Variants in GCLM observed in about 807,000 individuals in gnomAD.
GCLM encodes glutamate--cysteine ligase regulatory subunit.
GCLM carries 15 observed loss-of-function variants against 36.0 expected under a neutral mutation model. That is an observed-to-expected ratio of 0.42 (90% CI 0.28 to 0.64). GCLM has a LOEUF of 0.64. GCLM is among the 30% of genes least tolerant of loss of function. The probability of loss-of-function intolerance (pLI) is 0.25; values close to 1 mark genes in which losing one functional copy is unlikely to be tolerated. For synonymous variants in GCLM, 129 were observed against 122.8 expected, an observed-to-expected ratio of 1.05 and a Z score of -0.34; for missense variants, 242 against 325.5, an observed-to-expected ratio of 0.74 and a Z score of 1.97.
chr1:93,897,917 A>C lies in GCLM; in HGVS notation c.278-19T>G, dbSNP rs145426706. 631 of 1,431,410 alleles carry C rather than the reference A, an allele frequency of 4.4e-4. 1 individual carries two copies. The African/African-American group carries it at 8.3e-3, about 19-fold the overall frequency. 88.7% of individuals were successfully genotyped at this position (1,431,410 alleles called of 1,614,324 possible). Reference sequence around the variant, plus strand: ...AGTTTTGCTGGGTAACAAAGAAAACAAAACTGATTACTACATTTGGATACA... The same window carrying C: ...AGTTTTGCTGGGTAACAAAGAAAACCAAACTGATTACTACATTTGGATACA... On this transcript the variant is annotated intron_variant, in intron 3 of 6. Transcript: ENST00000370238.
intron 6 of GCLM, among the ~76,000 whole-genome samples, chr1:93,891,017 G>A (rs1044713165): frequency 2.0e-5 from 3 of 151,796 alleles, no homozygotes; most frequent in African/African-American, 7.3e-5. Context: ...GCTAGGACTA[G>A]AGGTGTGCGT....
At chr1:93,897,636 C>A (rs572783545) in intron 4 of GCLM, among the ~76,000 whole-genome samples, 1 of 151,966 alleles carries the variant, frequency 6.6e-6, no homozygotes, top group Non-Finnish European at 1.5e-5. Flanking sequence ...ACACCTTTTA[C>A]ATTCCTCTTG....
At chr1:93,908,170 G>A (rs1006562110) in intron 1 of GCLM, among the ~76,000 whole-genome samples, 2 of 152,130 alleles carry the variant, frequency 1.3e-5, no homozygotes, top group Non-Finnish European at 2.9e-5. Flanking sequence ...TAAAGATTTT[G>A]TTATTTTTTA....
Position 93,887,372 on chromosome 1 carries a change from A to G in GCLM, c.*1618T>C, listed in dbSNP as rs1656353065. Reference sequence around the variant, plus strand: ...CTTAGGAAAAGGGTCTATAATATTTATTTTGAATATGGAACCATAGTTCTT... The same window carrying G: ...CTTAGGAAAAGGGTCTATAATATTTGTTTTGAATATGGAACCATAGTTCTT... On this transcript the variant is annotated 3_prime_UTR_variant, in exon 7 of 7. Coordinates refer to ENST00000370238, the MANE Select transcript of GCLM (RefSeq NM_002061.4). 2 of 151,988 alleles carry G rather than the reference A, an allele frequency of 1.3e-5. No individual in the cohort carries two copies. The highest frequency in any genetic ancestry group is 1.3e-4 in the Admixed American group (2 of 15,262). 9.4% of individuals were successfully genotyped at this position (151,988 alleles called of 1,614,324 possible).
intron 6 of GCLM, 132 bp from the exon 7 acceptor site, chr1:93,889,291 T>G (rs538607882): frequency 5.6e-5 from 28 of 504,054 alleles, no homozygotes; most frequent in African/African-American, 5.4e-4. Context: ...TGCTTATTCT[T>G]CATGTGTGTG....
At chr1:93,904,773 T>C (rs1477702684) in intron 1 of GCLM, among the ~76,000 whole-genome samples, 185 bp from the exon 2 acceptor site, 9 of 152,206 alleles carry the variant, frequency 5.9e-5, no homozygotes, top group Non-Finnish European at 1.3e-4. Flanking sequence ...TCAGGCCTGT[T>C]TTCATCCTAC....
intron 2 of GCLM, among the ~76,000 whole-genome samples, chr1:93,902,316 C>T (rs546381957): frequency 3.3e-5 from 5 of 151,954 alleles, no homozygotes; most frequent in African/African-American, 1.2e-4. Context: ...GTAGCTGGGA[C>T]TACAGGTGCA....
chr1:93,890,161 T>C (rs2100905016), intron 6 of GCLM, among the ~76,000 whole-genome samples: 1 of 152,108 alleles, frequency 6.6e-6, no homozygotes, highest in East Asian at 1.9e-4. Flanking sequence ...CCACCCACCT[T>C]GGCCTCCTAA....
Position 93,888,808 on chromosome 1 carries a change from T to G in GCLM, c.*182A>C. ...TTAAGGAAAGCAATACAGAGGTTCATGAGAATGGATTGATATGGAGGCAAG... is the reference window on the plus strand; with the variant it reads ...TTAAGGAAAGCAATACAGAGGTTCAGGAGAATGGATTGATATGGAGGCAAG... On this transcript the variant is annotated 3_prime_UTR_variant, in exon 7 of 7. Coordinates refer to ENST00000370238, the MANE Select transcript of GCLM (RefSeq NM_002061.4). The G allele has an allele frequency of 2.4e-6, 1 of 411,922 alleles. No individual in the cohort carries two copies. The highest frequency in any genetic ancestry group is 3.6e-5 in the East Asian group (1 of 27,714). 25.5% of individuals were successfully genotyped at this position (411,922 alleles called of 1,614,324 possible).
At chr1:93,900,213 C>T (rs954931994) in intron 3 of GCLM, among the ~76,000 whole-genome samples, 2 of 152,078 alleles carry the variant, frequency 1.3e-5, no homozygotes, top group African/African-American at 2.4e-5. Context: ...AAAGCCCCCC[C>T]CAATACTATT....
Position 93,888,428 on chromosome 1 carries a change from CAT to C in GCLM, c.*560_*561del, listed in dbSNP as rs1656403507. 6.6e-6 allele frequency: 1 copy of C among 151,896 alleles called. No homozygotes were observed. Among genetic ancestry groups the C allele is most frequent in the African/African-American group, 2.4e-5 (1 of 41,354 alleles). 9.4% of individuals were successfully genotyped at this position (151,896 alleles called of 1,614,324 possible). A position where few individuals can be genotyped will look rare whatever the true frequency, so the allele number is the denominator to read the frequency against. On this transcript the variant is annotated 3_prime_UTR_variant, in exon 7 of 7. Transcript: ENST00000370238. ...TACAGCTAAACTATAAGCAAGGACA[CAT>C]AAAAAAAAATTTAAGTTTCCATTCA...
At chr1:93,891,817 C>T (rs6702064) in intron 6 of GCLM, among the ~76,000 whole-genome samples, 12,361 of 152,170 alleles carry the variant, frequency 0.081, 1,281 homozygotes, top group African/African-American at 0.24. Flanking sequence ...TAACAGTAAA[C>T]GCTCAATCAA....
chr1:93,890,253 A>C (rs903636983), intron 6 of GCLM, among the ~76,000 whole-genome samples: 2 of 151,190 alleles, frequency 1.3e-5, no homozygotes, highest in Non-Finnish European at 2.9e-5. Flanking sequence ...TACACACACA[A>C]AAAGTTGTGT....
intron 6 of GCLM, among the ~76,000 whole-genome samples, chr1:93,889,918 A>T (rs1401679617): frequency 4.0e-5 from 6 of 149,700 alleles, no homozygotes; most frequent in African/African-American, 9.8e-5. Context: ...ATATATATAT[A>T]TATTTTTTTT....
At position 93,897,888 on chromosome 1, in the gene GCLM, G is replaced by A. The variant is rs928227315; in HGVS notation, c.288C>T (p.Phe96=). 4.5e-6 allele frequency: 7 copies of A among 1,545,884 alleles called. No individual in the cohort carries two copies. The highest frequency in any genetic ancestry group is 1.4e-5 in the African/African-American group (1 of 71,076). The change falls in exon 4 of 7, where the codon TTC becomes TTT. Residue 96 remains phenylalanine (F), a synonymous_variant. Coordinates refer to ENST00000370238, the MANE Select transcript of GCLM (RefSeq NM_002061.4). ...REEMKVSAKL[F]IVESNSSSST... is the part of the protein sequence containing the mutation. ...ATGATGAAGAGTTTGATTCTACAAT[G>A]AACAGTTTTGCTGGGTAACAAAGAA...
chr1:93,903,474 CTT>C (rs376727900), intron 2 of GCLM, among the ~76,000 whole-genome samples: 2 of 131,650 alleles, frequency 1.5e-5, no homozygotes, highest in Admixed American at 7.8e-5. Context: ...CCACGCCTGG[CTT>C]TTTTTTTTTT....
chr1:93,902,160 GT>G (rs760983712), intron 2 of GCLM, among the ~76,000 whole-genome samples: 2 of 151,740 alleles, frequency 1.3e-5, no homozygotes, highest in Non-Finnish European at 2.9e-5. Context: ...TAGTTTTTGG[GT>G]TTTTTTGTTT....
chr1:93,905,218 G>C (rs376364024), intron 1 of GCLM, among the ~76,000 whole-genome samples: 6 of 146,730 alleles, frequency 4.1e-5, no homozygotes, highest in African/African-American at 1.5e-4. Flanking sequence ...ACAAAAATAA[G>C]GTTTATAAAC....
chr1:93,900,353 C>T (rs998127880), intron 3 of GCLM, among the ~76,000 whole-genome samples: 1 of 124,710 alleles, frequency 8.0e-6, no homozygotes, highest in African/African-American at 3.9e-5. Flanking sequence ...AAATCTCAAG[C>T]CCTCTAGGAA....
Sources: gnomAD v4.1 joint callset for allele counts (sites outside exome capture counted in the v4.1 genomes callset) on GRCh38, gnomAD v4.1.1 for gene constraint, MANE v1.5 for transcripts, NCBI Gene and HGNC (gene_info 2026-07-23, HGNC 2026-07-21) for gene names.